FAM234B: variants seen among roughly 807,000 people sequenced by gnomAD.
FAM234B encodes family with sequence similarity 234 member B.
Under a neutral mutation model 69.3 loss-of-function variants are expected in FAM234B, and 33 were observed. That is an observed-to-expected ratio of 0.48 (90% confidence interval 0.36 to 0.64). The LOEUF (loss-of-function observed/expected upper bound fraction) is 0.64. Ranked by LOEUF, FAM234B falls within the 30% of genes least tolerant of loss-of-function variation. The pLI is 0.00. For synonymous variants in FAM234B, 306 were observed against 306.9 expected, an observed-to-expected ratio of 1.00 and a Z score of 0.03; for missense variants, 697 against 769.7, an observed-to-expected ratio of 0.91 and a Z score of 1.12.
At chr12:13,062,547 C>A in intron 4 of FAM234B, 1 of 244,520 alleles carries the variant, frequency 4.1e-6, no homozygotes, top group Non-Finnish European at 8.0e-6. Flanking sequence ...AGACAGTTCC[C>A]TCACCCCAGG....
intron 1 of FAM234B, among the ~76,000 whole-genome samples, chr12:13,053,718 CAG>C (rs1864899648): frequency 6.6e-6 from 1 of 152,154 alleles, no homozygotes. Context: ...TAACAGAAAA[CAG>C]GGTTGGAGAG....
At chr12:13,071,177 A>G in intron 9 of FAM234B, 64 bp from the exon 10 acceptor site, 1 of 1,573,168 alleles carries the variant, frequency 6.4e-7, no homozygotes, top group Non-Finnish European at 8.7e-7. Context: ...TTGTGTGTGC[A>G]TTTTCTGGGC....
chr12:13,080,147 A>G lies in FAM234B; in HGVS notation c.1863+138A>G, dbSNP rs78426817. 6.6e-5 allele frequency: 42 copies of G among 633,176 alleles called. No homozygotes were observed. The East Asian group carries it at 1.2e-3, about 18-fold the overall frequency. The allele number at this position is 633,176 out of a possible 1,614,324, so 39.2% of individuals were successfully genotyped here. A position where few individuals can be genotyped will look rare whatever the true frequency, so the allele number is the denominator to read the frequency against. The stretch of plus-strand genomic sequence containing the variant: ...ATCAAGACAGTTGTTTTGGACCAAC[A>G]CTGTTTCCTATGGATGCCTTCTGAC... On this transcript the variant is annotated intron_variant, in intron 12 of 12. Transcript: ENST00000197268.
At chr12:13,077,842 G>A (rs1026642943) in intron 11 of FAM234B, among the ~76,000 whole-genome samples, 8 of 152,122 alleles carry the variant, frequency 5.3e-5, no homozygotes, top group African/African-American at 1.9e-4. Flanking sequence ...CTGAGGAATC[G>A]CCACACTGAC....
At chr12:13,070,203 A>ATATATATG (rs1865090436) in intron 9 of FAM234B, among the ~76,000 whole-genome samples, 1 of 136,922 alleles carries the variant, frequency 7.3e-6, no homozygotes, top group African/African-American at 2.6e-5. Context: ...ATATATATAT[A>ATATATATG]TATATATAAA....
At chr12:13,053,316 T>C (rs973205318) in intron 1 of FAM234B, among the ~76,000 whole-genome samples, 2 of 152,238 alleles carry the variant, frequency 1.3e-5, no homozygotes, top group African/African-American at 4.8e-5. Flanking sequence ...ATTTTTTTAA[T>C]GTACCAAATA....
At chr12:13,077,990 G>A (rs1458729670) in intron 11 of FAM234B, among the ~76,000 whole-genome samples, 12 of 150,880 alleles carry the variant, frequency 8.0e-5, no homozygotes, top group Non-Finnish European at 1.5e-5. Flanking sequence ...ATCTCATTGT[G>A]GTTTTGATTT....
Position 13,067,358 on chromosome 12 carries a change from T to A in FAM234B, c.1142+62T>A. ...TCTTGTGAACTCACATGCCTTTGAG[T>A]CTCTAAGTTTGGTTGGGCTGGTGAA... On this transcript the variant is annotated intron_variant, in intron 7 of 12. Transcript: ENST00000197268. This position sits in a 1 kb window ranked among gnomAD's most constrained non-coding sequence, Gnocchi z 4.7. 1.3e-6 allele frequency: 2 copies of A among 1,586,624 alleles called. No individual in the cohort carries two copies. Among genetic ancestry groups the A allele is most frequent in the Non-Finnish European group, 1.7e-6 (2 of 1,158,216 alleles).
intron 5 of FAM234B, 136 bp downstream of exon 5, chr12:13,063,111 T>G: frequency 9.3e-7 from 1 of 1,073,718 alleles, no homozygotes; most frequent in South Asian, 1.6e-5. Flanking sequence ...TAAATTCTCT[T>G]TGTGAGGTTA....
At chr12:13,080,512 C>A in intron 12 of FAM234B, 113 bp from the exon 13 acceptor site, 3 of 826,648 alleles carry the variant, frequency 3.6e-6, no homozygotes, top group South Asian at 1.6e-5. Flanking sequence ...ACTATTGGAG[C>A]TAAAGAAAAG....
rs1865247272 is a variant in FAM234B, at chr12:13,082,517, C to T, written c.*1887C>T. The stretch of plus-strand genomic sequence containing the variant: ...GAAGTCATCTGTGGGTCCAGCTTGA[C>T]TTTGGAGGAATAAGAAGATACTTCT... On this transcript the variant is annotated 3_prime_UTR_variant, in exon 13 of 13. Coordinates refer to ENST00000197268, the MANE Select transcript of FAM234B (RefSeq NM_020853.2). 6.6e-6 allele frequency: 1 copy of T among 152,146 alleles called. No homozygotes were observed. The highest frequency in any genetic ancestry group is 1.5e-5 in the Non-Finnish European group (1 of 68,042). 9.4% of individuals were successfully genotyped at this position (152,146 alleles called of 1,614,324 possible).
intron 10 of FAM234B, 87 bp downstream of exon 10, chr12:13,071,483 AC>A: frequency 7.9e-7 from 1 of 1,265,894 alleles, no homozygotes; most frequent in Non-Finnish European, 1.1e-6. Context: ...ATGTTATTTG[AC>A]CCATCACTTT....
At chr12:13,046,953 C>T (rs1864819795) in intron 1 of FAM234B, among the ~76,000 whole-genome samples, 1 of 152,064 alleles carries the variant, frequency 6.6e-6, no homozygotes. Flanking sequence ...TACATATTTA[C>T]CTCCTAGGGT....
intron 10 of FAM234B, among the ~76,000 whole-genome samples, chr12:13,075,610 C>CTTTTTTTTTTT (rs5796522): frequency 1.6e-5 from 2 of 122,890 alleles, no homozygotes; most frequent in Admixed American, 8.5e-5. Context: ...TTTTTTTTCT[C>CTTTTTTTTTTT]TTTTTTTTTT....
intron 3 of FAM234B, among the ~76,000 whole-genome samples, chr12:13,059,787 C>T (rs1248577933): frequency 6.6e-6 from 1 of 152,162 alleles, no homozygotes; most frequent in Non-Finnish European, 1.5e-5. Context: ...GATTTCCGTG[C>T]AATCAAAACT....
intron 10 of FAM234B, among the ~76,000 whole-genome samples, chr12:13,072,449 C>T (rs5022025): frequency 0.25 from 38,455 of 151,952 alleles, 5,921 homozygotes; most frequent in East Asian, 0.57. Context: ...TAAAAAATAT[C>T]GGCTGGGCGC....
intron 1 of FAM234B, among the ~76,000 whole-genome samples, chr12:13,050,220 C>T (rs1169494118): frequency 6.6e-6 from 1 of 152,130 alleles, no homozygotes. Flanking sequence ...TTTGTCCTGC[C>T]TTGGATATTG....
chr12:13,070,917 T>G (rs895807905), intron 9 of FAM234B, among the ~76,000 whole-genome samples: 2 of 152,186 alleles, frequency 1.3e-5, no homozygotes, highest in African/African-American at 4.8e-5. Flanking sequence ...ACAATCCGCG[T>G]GTCCACATCA....
At position 13,044,512 on chromosome 12, in the gene FAM234B, G is replaced by A; in HGVS notation, c.37+72G>A. The A allele has an allele frequency of 1.3e-6, 2 of 1,508,800 alleles. No homozygotes were observed. Among genetic ancestry groups the A allele is most frequent in the Non-Finnish European group, 9.0e-7 (1 of 1,109,976 alleles). The allele number at this position is 1,508,800 out of a possible 1,614,324, so 93.5% of individuals were successfully genotyped here. A position where few individuals can be genotyped will look rare whatever the true frequency, so the allele number is the denominator to read the frequency against. ...AATAAGGGGAGGCGAGGCTCTGGGGGCGAGGCCGGTCGGGCCCTGGCCTCA... is the reference window on the plus strand; with the variant it reads ...AATAAGGGGAGGCGAGGCTCTGGGGACGAGGCCGGTCGGGCCCTGGCCTCA... On this transcript the variant is annotated intron_variant, in intron 1 of 12. Transcript: ENST00000197268. The surrounding 1 kb of genome is among the most constrained non-coding windows in gnomAD (Gnocchi z 5.6).
Sources: gnomAD v4.1 joint callset for allele counts (sites outside exome capture counted in the v4.1 genomes callset) on GRCh38, gnomAD v4.1.1 for gene constraint, Gnocchi (gnomAD v3.1) non-coding constraint, MANE v1.5 for transcripts, NCBI Gene and HGNC (gene_info 2026-07-23, HGNC 2026-07-21) for gene names.